Variants in DENND2B observed in about 807,000 individuals in gnomAD.
DENND2B encodes the protein DENN domain containing 2B.
A neutral mutation model predicts 116.0 loss-of-function variants in DENND2B; 32 were observed. That is an observed-to-expected ratio of 0.28 (90% CI 0.21 to 0.37). DENND2B has a LOEUF of 0.37. Ranked by LOEUF, DENND2B falls within the 10% of genes least tolerant of loss-of-function variation. The pLI, the probability that DENND2B is intolerant of heterozygous loss-of-function variation, is 1.00. For missense variants in DENND2B, 1,276 were observed against 1,477.7 expected, an observed-to-expected ratio of 0.86 and a Z score of 2.24; for synonymous variants, 588 against 583.9, an observed-to-expected ratio of 1.01 and a Z score of -0.10.
chr11:8,893,376 T>C (rs1450703578), intron 1 of DENND2B, among the ~76,000 whole-genome samples: 1 of 152,100 alleles, frequency 6.6e-6, no homozygotes, highest in African/African-American at 2.4e-5. Flanking sequence ...CTATTCAACA[T>C]AGTGTTGAAA....
chr11:8,816,550 CA>C (rs113682667), intron 4 of DENND2B, among the ~76,000 whole-genome samples: 49,837 of 121,566 alleles, frequency 0.41, 9,281 homozygotes, highest in Non-Finnish European at 0.47. Flanking sequence ...AACTGTGTCT[CA>C]AAAAAAAAAA....
chr11:8,729,425 T>C (rs1005883456), intron 3 of DENND2B, among the ~76,000 whole-genome samples: 3 of 152,192 alleles, frequency 2.0e-5, no homozygotes, highest in Non-Finnish European at 4.4e-5. Context: ...CCCCTCTTGA[T>C]ATAGGCCCAG....
At chr11:8,697,929 C>G (rs1255282140) in intron 16 of DENND2B, 1 of 494,028 alleles carries the variant, frequency 2.0e-6, no homozygotes, top group Non-Finnish European at 3.9e-6. Flanking sequence ...GGAGGGAGTT[C>G]GAGACCAGCC....
At position 8,693,665 on chromosome 11, in the gene DENND2B, A is replaced by G. The variant is rs772947475; in HGVS notation, c.*431T>C. 30 of 172,102 alleles carry G rather than the reference A, an allele frequency of 1.7e-4. No individual in the cohort carries two copies. The highest frequency in any genetic ancestry group is 3.0e-4 in the Non-Finnish European group (24 of 81,266). 10.7% of individuals were successfully genotyped at this position (172,102 alleles called of 1,614,324 possible). On this transcript the variant is annotated 3_prime_UTR_variant, in exon 20 of 20. Coordinates refer to ENST00000313726, the MANE Select transcript of DENND2B (RefSeq NM_213618.2). Reference sequence around the variant, plus strand: ...ATTTTTTTAAAAGGTCCTCCTGTACATAACAAGACAGCATCTGCTCTCCAG... The same window carrying G: ...ATTTTTTTAAAAGGTCCTCCTGTACGTAACAAGACAGCATCTGCTCTCCAG...
At chr11:8,695,420 C>T (rs1474831974) in intron 19 of DENND2B, 43 bp downstream of exon 19, 1 of 1,573,258 alleles carries the variant, frequency 6.4e-7, no homozygotes, top group Non-Finnish European at 8.7e-7. Context: ...CAGCCCCTTC[C>T]TTCTTGCTGA....
At chr11:8,899,675 C>A (rs562485283) in intron 1 of DENND2B, among the ~76,000 whole-genome samples, 1 of 152,134 alleles carries the variant, frequency 6.6e-6, no homozygotes, top group African/African-American at 2.4e-5. Flanking sequence ...TTTGTTGTTG[C>A]CAGCTTGCCT....
intron 4 of DENND2B, chr11:8,718,912 T>C (rs1050747206): frequency 2.3e-5 from 23 of 988,248 alleles, no homozygotes; most frequent in African/African-American, 3.5e-5. Context: ...CCTAGCTCAA[T>C]CCTGGTGGCA....
intron 18 of DENND2B, chr11:8,696,062 A>C (rs777757309): frequency 2.2e-5 from 6 of 275,838 alleles, no homozygotes; most frequent in Admixed American, 4.9e-5. Context: ...AATGCTCTGT[A>C]AGGGAATTCC....
At chr11:8,866,919 A>C (rs1266706054) in intron 2 of DENND2B, among the ~76,000 whole-genome samples, 2 of 152,280 alleles carry the variant, frequency 1.3e-5, no homozygotes, top group South Asian at 4.2e-4. Flanking sequence ...AAGGTGTGAG[A>C]GGCTCTTAAA....
chr11:8,719,043 G>A, intron 4 of DENND2B: 6 of 985,644 alleles, frequency 6.1e-6, no homozygotes, highest in Non-Finnish European at 7.2e-6. Context: ...CAGCAGGATT[G>A]AGCCTGGGTG....
At chr11:8,788,244 G>T (rs2059087438) in intron 1 of DENND2B, among the ~76,000 whole-genome samples, 3 of 152,120 alleles carry the variant, frequency 2.0e-5, no homozygotes, top group Admixed American at 2.0e-4. Context: ...AAGCATTGGG[G>T]TTACTATGCA....
chr11:8,854,778 T>C (rs1273088555), intron 3 of DENND2B, among the ~76,000 whole-genome samples: 3 of 152,188 alleles, frequency 2.0e-5, no homozygotes, highest in Admixed American at 1.3e-4. Context: ...AAAGGCATGA[T>C]CTCGACTCAC....
intron 4 of DENND2B, chr11:8,718,405 G>A (rs1399241055): frequency 1.0e-5 from 16 of 1,531,762 alleles, no homozygotes; most frequent in Non-Finnish European, 1.4e-5. Context: ...AGGGAGCAGG[G>A]CTTCGCCAGG....
intron 2 of DENND2B, among the ~76,000 whole-genome samples, chr11:8,734,538 G>C (rs986646423): frequency 1.3e-5 from 2 of 151,988 alleles, no homozygotes; most frequent in Non-Finnish European, 2.9e-5. Context: ...CTGTAATCCC[G>C]GCACTTTGGG....
At chr11:8,862,728 C>T (rs1257614566) in intron 2 of DENND2B, among the ~76,000 whole-genome samples, 2 of 152,140 alleles carry the variant, frequency 1.3e-5, no homozygotes, top group Non-Finnish European at 2.9e-5. Context: ...CACGCCTAGC[C>T]TGGGTGATAA....
intron 4 of DENND2B, among the ~76,000 whole-genome samples, chr11:8,829,030 T>C (rs971296841): frequency 6.8e-6 from 1 of 146,552 alleles, no homozygotes; most frequent in African/African-American, 2.5e-5. Context: ...GTTGTGCGTG[T>C]GTGTGTATGG....
chr11:8,903,171 A>T (rs1263855449), intron 1 of DENND2B, among the ~76,000 whole-genome samples: 5 of 151,996 alleles, frequency 3.3e-5, no homozygotes, highest in African/African-American at 1.2e-4. Flanking sequence ...TGTATTTTTT[A>T]AAGTTTTATT....
At chr11:8,721,485 C>T (rs549176684) in intron 4 of DENND2B, among the ~76,000 whole-genome samples, 1 of 118,976 alleles carries the variant, frequency 8.4e-6, no homozygotes, top group African/African-American at 2.9e-5. Context: ...GGTCCTGGGT[C>T]TGCAGCTTCC....
At chr11:8,811,477 T>G (rs2061370785), upstream of DENND2B, 1 of 395,072 alleles carries the variant, frequency 2.5e-6, no homozygotes, top group African/African-American at 2.1e-5. Context: ...AGGTGCAGGC[T>G]TAGTGGGAGC....
Sources: allele counts gnomAD v4.1 joint callset (sites outside exome capture counted in the v4.1 genomes callset), GRCh38; gene constraint gnomAD v4.1.1; transcripts MANE v1.5; gene names NCBI Gene and HGNC (gene_info 2026-07-23, HGNC 2026-07-21).